Variants in CDH18 observed in about 807,000 individuals in gnomAD.
CDH18 encodes cadherin 18.
A neutral mutation model predicts 67.9 loss-of-function variants in CDH18; 31 were observed. That is an observed-to-expected ratio of 0.46 (90% CI 0.34 to 0.62). CDH18 has a LOEUF of 0.62. Among genes scored for constraint, CDH18 ranks in the 20% least tolerant of loss-of-function variants. CDH18 has a pLI of 0.01. For missense variants in CDH18, 890 were observed against 975.5 expected (o/e 0.91, Z 1.17); for synonymous variants, 362 against 347.2 (o/e 1.04, Z -0.48).
intron 2 of CDH18, among the ~76,000 whole-genome samples, chr5:20,053,163 A>T (rs995505383): frequency 1.3e-5 from 2 of 151,900 alleles, no homozygotes; most frequent in African/African-American, 4.8e-5. Flanking sequence ...GTTAACACAA[A>T]ATTTCTGAAA....
At chr5:20,412,315 T>A (rs1227364159) in intron 1 of CDH18, among the ~76,000 whole-genome samples, 1 of 152,188 alleles carries the variant, frequency 6.6e-6, no homozygotes, top group Non-Finnish European at 1.5e-5. Context: ...TGGATAGCCA[T>A]AAGCAGTGAA....
intron 1 of CDH18, among the ~76,000 whole-genome samples, chr5:20,482,487 C>T (rs1479102702): frequency 2.0e-5 from 3 of 151,708 alleles, no homozygotes; most frequent in African/African-American, 7.3e-5. Flanking sequence ...ACAAAAAAGG[C>T]CAATATTCTT....
intron 9 of CDH18, among the ~76,000 whole-genome samples, chr5:19,533,484 T>C (rs1748967789): frequency 6.6e-6 from 1 of 152,132 alleles, no homozygotes; most frequent in South Asian, 2.1e-4. Flanking sequence ...ATAACAGAGA[T>C]GTATTTGGAG....
At chr5:19,993,986 G>A (rs1293438526) in intron 2 of CDH18, among the ~76,000 whole-genome samples, 1 of 152,124 alleles carries the variant, frequency 6.6e-6, no homozygotes, top group Non-Finnish European at 1.5e-5. Context: ...ACTATTAAAA[G>A]TATTTTTTAG....
intron 5 of CDH18, among the ~76,000 whole-genome samples, chr5:19,709,911 GATC>G (rs1192935304): frequency 6.6e-6 from 1 of 152,096 alleles, no homozygotes; most frequent in Non-Finnish European, 1.5e-5. Flanking sequence ...GAGGTGGGTG[GATC>G]ACCTGAGGTC....
At chr5:20,505,297 G>T (rs1368893123) in intron 1 of CDH18, among the ~76,000 whole-genome samples, 1 of 152,120 alleles carries the variant, frequency 6.6e-6, no homozygotes, top group African/African-American at 2.4e-5. Flanking sequence ...GTTTTAGAAA[G>T]ATTTGTGTGA....
chr5:19,816,464 A>C (rs935789166), intron 3 of CDH18, among the ~76,000 whole-genome samples: 6 of 151,900 alleles, frequency 3.9e-5, no homozygotes, highest in African/African-American at 1.4e-4. Flanking sequence ...GCTTTAGCAA[A>C]ACAGACATGA....
chr5:19,751,538 G>C (rs185990312), intron 3 of CDH18, among the ~76,000 whole-genome samples: 14 of 152,246 alleles, frequency 9.2e-5, no homozygotes, highest in African/African-American at 3.4e-4. Flanking sequence ...AAAACATGGG[G>C]AATACATGTC....
chr5:19,486,284 T>C (rs1365043949), intron 11 of CDH18, among the ~76,000 whole-genome samples: 3 of 150,498 alleles, frequency 2.0e-5, no homozygotes, highest in Non-Finnish European at 4.4e-5. Context: ...AGAAGAAATA[T>C]ATATATATTA....
intron 2 of CDH18, among the ~76,000 whole-genome samples, chr5:19,964,945 A>C (rs554177082): frequency 6.6e-6 from 1 of 152,156 alleles, no homozygotes; most frequent in African/African-American, 2.4e-5. Context: ...TGAAATACTT[A>C]AGTTTATTAA....
At chr5:19,537,900 C>T (rs1749670077) in intron 9 of CDH18, among the ~76,000 whole-genome samples, 1 of 151,914 alleles carries the variant, frequency 6.6e-6, no homozygotes, top group African/African-American at 2.4e-5. Context: ...TTATAAAGTA[C>T]CCAATACCAA....
chr5:19,481,758 A>G (rs953666672), intron 12 of CDH18, among the ~76,000 whole-genome samples: 2 of 152,226 alleles, frequency 1.3e-5, no homozygotes, highest in African/African-American at 4.8e-5. Context: ...CAGGAACAAA[A>G]CAAGGAACAT....
intron 1 of CDH18, among the ~76,000 whole-genome samples, chr5:20,553,427 A>T (rs187346935): frequency 1.6e-3 from 244 of 152,314 alleles, no homozygotes; most frequent in Non-Finnish European, 2.8e-3. Context: ...CTTTCCCAAC[A>T]TATACAAAAC....
At chr5:20,402,100 A>C (rs1217024274) in intron 1 of CDH18, among the ~76,000 whole-genome samples, 1 of 152,042 alleles carries the variant, frequency 6.6e-6, no homozygotes, top group Non-Finnish European at 1.5e-5. Flanking sequence ...CTTTCTTTTC[A>C]TATGCCTAGA....
chr5:19,489,937 T>C (rs991866254), intron 11 of CDH18, among the ~76,000 whole-genome samples: 1 of 138,550 alleles, frequency 7.2e-6, no homozygotes, highest in Admixed American at 7.5e-5. Context: ...TTCATAAACA[T>C]ACAACTATAA....
intron 2 of CDH18, among the ~76,000 whole-genome samples, chr5:19,885,745 T>C (rs1217346451): frequency 2.0e-5 from 3 of 152,172 alleles, no homozygotes. Flanking sequence ...TTTGCAAAAA[T>C]GTAAAACAAT....
At chr5:19,833,149 A>G (rs1781247218) in intron 3 of CDH18, among the ~76,000 whole-genome samples, 1 of 152,122 alleles carries the variant, frequency 6.6e-6, no homozygotes, top group South Asian at 2.1e-4. Flanking sequence ...GATTCTTCCT[A>G]TCCATGAGGA....
intron 2 of CDH18, among the ~76,000 whole-genome samples, chr5:20,002,213 T>C (rs1262097512): frequency 6.6e-6 from 1 of 152,222 alleles, no homozygotes; most frequent in African/African-American, 2.4e-5. Context: ...AACTTTTCTA[T>C]TGAAACATCA....
intron 2 of CDH18, among the ~76,000 whole-genome samples, chr5:20,109,700 T>TTAAATAAA (rs1747286528): frequency 6.6e-6 from 1 of 152,208 alleles, no homozygotes; most frequent in Non-Finnish European, 1.5e-5. Flanking sequence ...AACAGCACAG[T>TTAAATAAA]CATTTTTTGC....
Sources: gnomAD v4.1 joint callset for allele counts (sites outside exome capture counted in the v4.1 genomes callset) on GRCh38, gnomAD v4.1.1 for gene constraint, MANE v1.5 for transcripts, NCBI Gene and HGNC (gene_info 2026-07-23, HGNC 2026-07-21) for gene names.